TANGO6: variants seen among roughly 807,000 people sequenced by gnomAD.
TANGO6 encodes transport and golgi organization 6 homolog.
Under a neutral mutation model 114.2 loss-of-function variants are expected in TANGO6, and 90 were observed. That is an observed-to-expected ratio of 0.79 (90% CI 0.66 to 0.94). The LOEUF (loss-of-function observed/expected upper bound fraction) is 0.94. Ranked by LOEUF, TANGO6 falls within the 40% of genes least tolerant of loss-of-function variation. The pLI, the probability that TANGO6 is intolerant of heterozygous loss-of-function variation, is 0.00. For missense variants in TANGO6, 1,274 were observed against 1,315.3 expected (o/e 0.97, Z 0.49); for synonymous variants, 477 against 509.8 (o/e 0.94, Z 0.87).
At chr16:68,977,827 A>G (rs1963779298) in intron 15 of TANGO6, among the ~76,000 whole-genome samples, 1 of 151,424 alleles carries the variant, frequency 6.6e-6, no homozygotes, top group Non-Finnish European at 1.5e-5. Flanking sequence ...CTGGGACCAC[A>G]GGCCCACACC....
chr16:68,906,362 CAT>C (rs1962849822), intron 9 of TANGO6, among the ~76,000 whole-genome samples: 1 of 152,174 alleles, frequency 6.6e-6, no homozygotes, highest in African/African-American at 2.4e-5. Flanking sequence ...ATGATGATCA[CAT>C]CTTTTTCTGC....
rs527802751 is a variant in TANGO6 at position 68,914,820 on chromosome 16, G to C, written c.1993-4265G>C. ...AACACAAAGAATGTTTGGCAGAAAG[G>C]CTACTTCATAGATGGCAATGATTGT... On this transcript the variant is annotated intron_variant, in intron 11 of 17. Coordinates refer to ENST00000261778, the MANE Select transcript of TANGO6 (RefSeq NM_024562.2). Among the ~76,000 whole-genome samples the C allele has an allele frequency of 1.8e-4, 28 of 151,928 alleles. 1 individual carries two copies. The highest frequency in any genetic ancestry group is 4.6e-4 in the African/African-American group (19 of 41,468).
intron 3 of TANGO6, among the ~76,000 whole-genome samples, chr16:68,864,942 A>C (rs1490741914): frequency 6.6e-6 from 1 of 152,192 alleles, no homozygotes; most frequent in Non-Finnish European, 1.5e-5. Context: ...CAGGAGAGTT[A>C]GGATGAAATA....
intron 2 of TANGO6, among the ~76,000 whole-genome samples, chr16:68,861,871 C>G (rs1380156646): frequency 3.3e-4 from 50 of 152,012 alleles, no homozygotes; most frequent in South Asian, 8.3e-4. Flanking sequence ...TCAAGGGTAC[C>G]CCAAAATTGT....
At chr16:68,843,767 C>T (rs1961761178) in intron 1 of TANGO6, 56 bp downstream of exon 1, 5 of 1,558,626 alleles carry the variant, frequency 3.2e-6, no homozygotes, top group East Asian at 4.5e-5. Flanking sequence ...GGCCGCCCGG[C>T]TTCCGGGGCT....
At chr16:69,013,708 G>A (rs1959234203) in intron 15 of TANGO6, among the ~76,000 whole-genome samples, 1 of 147,808 alleles carries the variant, frequency 6.8e-6, no homozygotes, top group African/African-American at 2.5e-5. Flanking sequence ...ACAGGCCAGA[G>A]TGCAGTGGCA....
At chr16:68,986,842 G>A (rs1963896413) in intron 15 of TANGO6, among the ~76,000 whole-genome samples, 1 of 152,056 alleles carries the variant, frequency 6.6e-6, no homozygotes, top group Non-Finnish European at 1.5e-5. Context: ...GAGGCAGAGG[G>A]TGCAGTGAGC....
At chr16:68,861,956 C>T (rs1166052762) in intron 2 of TANGO6, among the ~76,000 whole-genome samples, 1 of 152,024 alleles carries the variant, frequency 6.6e-6, no homozygotes, top group East Asian at 1.9e-4. Context: ...AACAATGTTA[C>T]CTCTATTGCT....
intron 7 of TANGO6, among the ~76,000 whole-genome samples, chr16:68,889,401 G>T (rs1194975621): frequency 2.0e-5 from 3 of 152,162 alleles, no homozygotes. Flanking sequence ...AAATCATACA[G>T]CTGGGGAGTG....
intron 17 of TANGO6, among the ~76,000 whole-genome samples, chr16:69,056,389 A>G (rs1302509754): frequency 6.6e-6 from 1 of 152,202 alleles, no homozygotes; most frequent in Non-Finnish European, 1.5e-5. Context: ...TAGAAGTGGA[A>G]GAGGATTTAG....
intron 8 of TANGO6, among the ~76,000 whole-genome samples, chr16:68,901,116 A>G (rs1181040165): frequency 2.0e-5 from 3 of 152,286 alleles, no homozygotes; most frequent in African/African-American, 7.2e-5. Context: ...GGTAAGAGTT[A>G]TCTTATCTCA....
chr16:69,024,603 T>C (rs1567560930), intron 16 of TANGO6, among the ~76,000 whole-genome samples: 1 of 152,150 alleles, frequency 6.6e-6, no homozygotes, highest in Admixed American at 6.6e-5. Flanking sequence ...GCCTTGTATT[T>C]ATGTACTCAT....
chr16:68,984,305 T>C (rs956176449), intron 15 of TANGO6, among the ~76,000 whole-genome samples: 4 of 152,276 alleles, frequency 2.6e-5, no homozygotes, highest in Admixed American at 2.6e-4. Flanking sequence ...GGCATCAGTG[T>C]AGTTCAATTC....
chr16:68,921,118 CAAAAAAAAAAAAA>C (rs374286269), intron 12 of TANGO6, among the ~76,000 whole-genome samples: 1 of 55,738 alleles, frequency 1.8e-5, no homozygotes. Context: ...GACTCTGTCT[CAAAAAAAAAAAAA>C]AAAAAAAGAA....
In TANGO6 at chr16:68,860,512, A is replaced by T; in HGVS notation, c.723A>T (p.Thr241=). ...GFCPTKRKLL[T]PAEEVLTEEE... is the part of the protein sequence containing the mutation. ...GCCCAACCAAAAGAAAACTGCTAAC[A>T]CCTGCAGAAGAGGTAAATATACATT... Residue 241 remains threonine (T), a synonymous_variant, in exon 2 of 18, where the codon ACA becomes ACT. Coordinates refer to ENST00000261778, the MANE Select transcript of TANGO6 (RefSeq NM_024562.2). 1 of 1,613,190 alleles carries T rather than the reference A, an allele frequency of 6.2e-7. No individual in the cohort carries two copies. Among genetic ancestry groups the T allele is most frequent in the Non-Finnish European group, 8.5e-7 (1 of 1,179,468 alleles).
chr16:68,860,680 C>T (rs1430344414), intron 2 of TANGO6, among the ~76,000 whole-genome samples, 156 bp downstream of exon 2: 1 of 151,990 alleles, frequency 6.6e-6, no homozygotes, highest in Non-Finnish European at 1.5e-5. Flanking sequence ...TGGGGGTGGG[C>T]GCAAGTTTCA....
intron 15 of TANGO6, among the ~76,000 whole-genome samples, chr16:69,017,244 C>G (rs1195261446): frequency 6.6e-6 from 1 of 152,128 alleles, no homozygotes; most frequent in East Asian, 1.9e-4. Context: ...CAGTATTTTT[C>G]CTCTTCCCCA....
rs753921781 is a variant in TANGO6 at position 68,930,274 on chromosome 16, G to A, written c.2680G>A (p.Val894Ile). Residue 894 changes from valine to isoleucine, a missense_variant, in exon 14 of 18, where the codon GTA becomes ATA. Val to Ile is a conservative substitution (Grantham distance 29). Around this residue, in one of 5 missense-constraint regions of TANGO6, gnomAD observed 238 missense variants for 252.9 expected, o/e 0.94. Transcript: ENST00000261778. ...AAACTTGGAACATGAAGACACTTTTGTATATCTATCTGCAATTCAGGGTAA... is the reference window on the plus strand; with the variant it reads ...AAACTTGGAACATGAAGACACTTTTATATATCTATCTGCAATTCAGGGTAA... ...LENLEHEDTF[V>I]YLSAIQGVAL... 1 of 1,554,552 alleles carries A rather than the reference G, an allele frequency of 6.4e-7. No individual in the cohort carries two copies. The highest frequency in any genetic ancestry group is 1.2e-5 in the South Asian group (1 of 84,248).
chr16:68,927,915 T>C lies in TANGO6; in HGVS notation c.2475T>C (p.Thr825=), dbSNP rs1963190046. 6.2e-7 allele frequency: 1 copy of C among 1,613,804 alleles called. No homozygotes were observed. The highest frequency in any genetic ancestry group is 1.7e-5 in the Admixed American group (1 of 59,978). The change falls in exon 13 of 18, where the codon ACT becomes ACC. Residue 825 remains threonine, a synonymous_variant. Transcript: ENST00000261778. ...CTCAAGGAGTCAATGAGCCCAGCAC[T>C]ACTACAAGTCAGAAATCTGGAAGCG... is the stretch of plus-strand genomic sequence containing the variant. ...IIPQGVNEPS[T]TTSQKSGSVT...
Sources: gnomAD v4.1 joint callset for allele counts (sites outside exome capture counted in the v4.1 genomes callset) on GRCh38, gnomAD v4.1.1 for gene constraint, gnomAD v4.1.1 regional missense constraint, MANE v1.5 for transcripts, NCBI Gene and HGNC (gene_info 2026-07-23, HGNC 2026-07-21) for gene names.